The following ZFTRAF1 variants were observed in gnomAD, a reference collection of about 807,000 sequenced individuals.
ZFTRAF1 encodes the protein zinc finger TRAF-type-containing protein 1.
the ZFTRAF1 span, chr8:144,453,593 C>A: frequency 2.2e-5 from 17 of 763,660 alleles, no homozygotes; most frequent in East Asian, 4.6e-4. Context: ...ACGTGCCTGT[C>A]CCGAGTCGTG....
At chr8:144,461,348 G>A in the ZFTRAF1 span, among the ~76,000 whole-genome samples, 3 of 152,234 alleles carry the variant, frequency 2.0e-5, no homozygotes, top group African/African-American at 4.8e-5. Flanking sequence ...AGTTGAAAGA[G>A]AGGGAAAGAC....
At chr8:144,453,372 T>C in the ZFTRAF1 span, 9 of 1,551,126 alleles carry the variant, frequency 5.8e-6, no homozygotes, top group Non-Finnish European at 5.2e-6. Context: ...ACAACGACAA[T>C]TGGGGCACGT....
the ZFTRAF1 span, among the ~76,000 whole-genome samples, chr8:144,460,081 G>C: frequency 6.6e-6 from 1 of 152,230 alleles, no homozygotes. Flanking sequence ...CAGGTCTCCA[G>C]GTCTGTGTTG....
the ZFTRAF1 span, among the ~76,000 whole-genome samples, chr8:144,460,106 C>A: frequency 2.0e-5 from 3 of 152,214 alleles, no homozygotes; most frequent in Non-Finnish European, 4.4e-5. Context: ...TCCAGGGGCA[C>A]CACTCACAGC....
chr8:144,461,669 G>C, the ZFTRAF1 span, among the ~76,000 whole-genome samples: 1 of 152,174 alleles, frequency 6.6e-6, no homozygotes, highest in Non-Finnish European at 1.5e-5. Flanking sequence ...CAAACTGTGG[G>C]GCTTGTTGCA....
At chr8:144,457,446 ACCTTGGGCAG>A in the ZFTRAF1 span, 2 of 152,180 alleles carry the variant, frequency 1.3e-5, no homozygotes, top group African/African-American at 2.4e-5. Flanking sequence ...AAATATCACC[ACCTTGGGCAG>A]CCATGGCAGA....
At chr8:144,460,971 G>A in the ZFTRAF1 span, among the ~76,000 whole-genome samples, 27 of 152,250 alleles carry the variant, frequency 1.8e-4, 1 homozygote, top group Non-Finnish European at 3.8e-4. Context: ...CTTGGAAGCT[G>A]AGGCACTGCC....
At chr8:144,449,781 T>G in the ZFTRAF1 span, 1 of 158,078 alleles carries the variant, frequency 6.3e-6, no homozygotes, top group South Asian at 1.8e-4. Context: ...CATGACAGAG[T>G]GTAGGGGGAG....
chr8:144,453,600 C>A, the ZFTRAF1 span: 3 of 724,794 alleles, frequency 4.1e-6, no homozygotes, highest in Non-Finnish European at 6.8e-6. Flanking sequence ...TGTCCCGAGT[C>A]GTGCTGGAGT....
the ZFTRAF1 span, chr8:144,453,182 G>T: frequency 9.8e-6 from 15 of 1,531,730 alleles, no homozygotes; most frequent in South Asian, 1.8e-4. Context: ...CAGCAGTCCT[G>T]GGCCCCGCCT....
At chr8:144,450,487 G>A in the ZFTRAF1 span, 32 of 718,272 alleles carry the variant, frequency 4.5e-5, no homozygotes, top group African/African-American at 1.0e-4. Flanking sequence ...AGTCCGTCTC[G>A]TTGCTCTCGT....
chr8:144,461,985 GAA>G, the ZFTRAF1 span, among the ~76,000 whole-genome samples: 3 of 152,142 alleles, frequency 2.0e-5, no homozygotes, highest in Non-Finnish European at 2.9e-5. Flanking sequence ...GGGAAGTCTA[GAA>G]AAAAGAAGGG....
chr8:144,453,383 G>A, the ZFTRAF1 span: 1 of 1,551,200 alleles, frequency 6.4e-7, no homozygotes, highest in Non-Finnish European at 8.7e-7. Flanking sequence ...TGGGGCACGT[G>A]GCCTGCTCCT....
chr8:144,453,184 G>A, the ZFTRAF1 span: 1 of 1,533,242 alleles, frequency 6.5e-7, no homozygotes, highest in Non-Finnish European at 8.8e-7. Context: ...GCAGTCCTGG[G>A]CCCCGCCTGT....
At chr8:144,450,490 G>C in the ZFTRAF1 span, 1 of 718,282 alleles carries the variant, frequency 1.4e-6, no homozygotes, top group Non-Finnish European at 2.6e-6. Context: ...CCGTCTCGTT[G>C]CTCTCGTTGG....
At chr8:144,456,273 G>A in the ZFTRAF1 span, 17 of 152,616 alleles carry the variant, frequency 1.1e-4, no homozygotes, top group South Asian at 4.1e-4. Flanking sequence ...ACAGCAGGAC[G>A]GTCCCTGGTC....
the ZFTRAF1 span, chr8:144,453,663 C>G: frequency 1.7e-6 from 1 of 581,042 alleles, no homozygotes; most frequent in African/African-American, 1.9e-5. Flanking sequence ...AGCTTGGGTT[C>G]TTGCAGAGAT....
At chr8:144,456,901 G>A in the ZFTRAF1 span, 1 of 150,444 alleles carries the variant, frequency 6.6e-6, no homozygotes, top group African/African-American at 2.5e-5. Context: ...ACATCACAGA[G>A]ATGACATCAC....
chr8:144,458,720 G>C, the ZFTRAF1 span, among the ~76,000 whole-genome samples: 1 of 152,206 alleles, frequency 6.6e-6, no homozygotes, highest in Non-Finnish European at 1.5e-5. Flanking sequence ...TGGTCAGATG[G>C]GGCAGGAGGG....
Sources: gnomAD v4.1 joint callset for allele counts (sites outside exome capture counted in the v4.1 genomes callset) on GRCh38, gnomAD v4.1.1 for gene constraint, MANE v1.5 for transcripts, NCBI Gene and HGNC (gene_info 2026-07-23, HGNC 2026-07-21) for gene names.